The following SNX29 variants were observed in gnomAD, a reference collection of about 807,000 sequenced individuals.
SNX29 encodes the protein sorting nexin-29.
Under a neutral mutation model 102.1 loss-of-function variants are expected in SNX29, and 78 were observed. The observed-to-expected ratio is 0.76, with a 90% CI of 0.64 to 0.92. The LOEUF is 0.92. Ranked by LOEUF, SNX29 falls within the 40% of genes least tolerant of loss-of-function variation. The probability of loss-of-function intolerance (pLI) is 0.00; values close to 1 mark genes in which losing one functional copy is unlikely to be tolerated. For missense variants in SNX29, 1,280 were observed against 1,061.7 expected (o/e 1.21, Z -2.86); for synonymous variants, 580 against 414.5 (o/e 1.40, Z -4.85).
intron 20 of SNX29, among the ~76,000 whole-genome samples, chr16:12,542,652 G>A (rs143817986): frequency 2.0e-5 from 3 of 152,182 alleles, no homozygotes; most frequent in African/African-American, 7.2e-5. Context: ...ACTTAAACTT[G>A]TGTTTGAAGG....
At chr16:12,445,915 A>G (rs1415631757) in intron 18 of SNX29, among the ~76,000 whole-genome samples, 1 of 152,168 alleles carries the variant, frequency 6.6e-6, no homozygotes, top group Non-Finnish European at 1.5e-5. Context: ...CAAGGACACT[A>G]AGCTAGTAAA....
At chr16:12,536,901 G>C (rs531943695) in intron 20 of SNX29, among the ~76,000 whole-genome samples, 1 of 152,104 alleles carries the variant, frequency 6.6e-6, no homozygotes, top group Non-Finnish European at 1.5e-5. Context: ...GCTTGAGCCC[G>C]GGAGGTGGAG....
intron 14 of SNX29, among the ~76,000 whole-genome samples, chr16:12,259,612 C>T (rs2078674316): frequency 1.3e-5 from 2 of 152,162 alleles, no homozygotes; most frequent in Non-Finnish European, 2.9e-5. Flanking sequence ...GATTGTCTTC[C>T]TATTTTCTAG....
chr16:12,010,490 G>A (rs2056611264), intron 3 of SNX29, among the ~76,000 whole-genome samples: 1 of 152,126 alleles, frequency 6.6e-6, no homozygotes, highest in South Asian at 2.1e-4. Flanking sequence ...GCCAGGTGCG[G>A]TGGTGCAGGC....
intron 18 of SNX29, among the ~76,000 whole-genome samples, chr16:12,408,379 C>T (rs760492481): frequency 2.6e-4 from 40 of 152,260 alleles, no homozygotes; most frequent in Non-Finnish European, 3.1e-4. Context: ...AAGCCCTCCA[C>T]ATCCAAGAGC....
chr16:12,309,942 A>G (rs1393607108), intron 15 of SNX29, among the ~76,000 whole-genome samples: 1 of 152,206 alleles, frequency 6.6e-6, no homozygotes, highest in African/African-American at 2.4e-5. Flanking sequence ...TTGTCTTGAT[A>G]CTTCTTGAGC....
chr16:12,353,386 A>C (rs2082043841), intron 15 of SNX29, among the ~76,000 whole-genome samples: 1 of 152,314 alleles, frequency 6.6e-6, no homozygotes, highest in African/African-American at 2.4e-5. Flanking sequence ...CTGGGAACTT[A>C]TCCTGCCCCA....
intron 16 of SNX29, among the ~76,000 whole-genome samples, chr16:12,387,321 C>T (rs112544539): frequency 1.1e-4 from 17 of 152,130 alleles, no homozygotes; most frequent in South Asian, 6.2e-4. Flanking sequence ...CAGCTTGCTC[C>T]GGTGCCCCAT....
At position 12,355,843 on chromosome 16, in the gene SNX29, TAAAAAAAA is replaced by T. The variant is rs56358290; in HGVS notation, c.1783-294_1783-287del. Among the ~76,000 whole-genome samples, 38 of 85,568 alleles carry T rather than the reference TAAAAAAAA, an allele frequency of 4.4e-4. 2 individuals are homozygous for T. Among genetic ancestry groups the T allele is most frequent in the East Asian group, 9.7e-4 (2 of 2,054 alleles). 56.1% of individuals were successfully genotyped at this position (85,568 alleles called of 152,430 possible). On this transcript the variant is annotated intron_variant, in intron 15 of 20. Transcript: ENST00000566228. ...TGACCTTGACAGAGCGAGATCTTATTAAAAAAAAAAAAAAAAAAAAAAAAAAAAAAAAA... is the reference window on the plus strand; with the variant it reads ...TGACCTTGACAGAGCGAGATCTTATTAAAAAAAAAAAAAAAAAAAAAAAAA...
At chr16:12,307,420 A>G (rs2080372319) in intron 15 of SNX29, among the ~76,000 whole-genome samples, 1 of 152,220 alleles carries the variant, frequency 6.6e-6, no homozygotes, top group East Asian at 1.9e-4. Context: ...TGATGTCACT[A>G]ACATCATGAG....
intron 13 of SNX29, among the ~76,000 whole-genome samples, chr16:12,167,303 G>A (rs1275968209): frequency 2.0e-5 from 3 of 152,174 alleles, no homozygotes; most frequent in African/African-American, 4.8e-5. Context: ...CTCTGCCGCC[G>A]ATGCAGATGA....
intron 18 of SNX29, among the ~76,000 whole-genome samples, chr16:12,410,992 C>T (rs2084375759): frequency 6.6e-6 from 1 of 152,148 alleles, no homozygotes; most frequent in South Asian, 2.1e-4. Flanking sequence ...ATGCTTGCTT[C>T]CTGTGTAGCT....
intron 17 of SNX29, among the ~76,000 whole-genome samples, chr16:12,402,460 C>T (rs575784609): frequency 2.6e-4 from 40 of 152,308 alleles, no homozygotes; most frequent in African/African-American, 8.4e-4. Context: ...TAATTAGAGG[C>T]GAAGGCCGGG....
At chr16:12,160,849 A>G (rs887063585) in intron 13 of SNX29, among the ~76,000 whole-genome samples, 2 of 152,242 alleles carry the variant, frequency 1.3e-5, no homozygotes, top group East Asian at 1.9e-4. Context: ...TGATGGCATT[A>G]TAGCATCAAT....
At chr16:12,390,149 G>GGGGT (rs55953631) in intron 16 of SNX29, among the ~76,000 whole-genome samples, 79 of 145,678 alleles carry the variant, frequency 5.4e-4, no homozygotes, top group African/African-American at 1.8e-3. Flanking sequence ...GCAATTGAGG[G>GGGGT]GTGTGTGTGT....
chr16:11,995,635 C>A (rs780187406), intron 1 of SNX29, among the ~76,000 whole-genome samples: 161 of 131,998 alleles, frequency 1.2e-3, no homozygotes, highest in Non-Finnish European at 2.0e-3. Context: ...ATCAGTAGAG[C>A]AAAATACTCT....
At chr16:12,167,862 T>G (rs1055824402) in intron 13 of SNX29, among the ~76,000 whole-genome samples, 15 of 152,240 alleles carry the variant, frequency 9.9e-5, no homozygotes, top group African/African-American at 3.6e-4. Context: ...CCCATTTGTT[T>G]AGGAATGGTC....
chr16:12,012,054 T>G (rs1486132408), intron 3 of SNX29, among the ~76,000 whole-genome samples: 1 of 152,224 alleles, frequency 6.6e-6, no homozygotes, highest in Non-Finnish European at 1.5e-5. Context: ...AGGTATTTAT[T>G]TATAGAGTAC....
intron 16 of SNX29, chr16:12,375,281 T>C (rs1297412283): frequency 2.0e-5 from 3 of 152,222 alleles, no homozygotes; most frequent in African/African-American, 7.2e-5. Context: ...ACAGCAGAAA[T>C]AGCTAAATGA....
Sources: gnomAD v4.1 joint callset for allele counts (sites outside exome capture counted in the v4.1 genomes callset) on GRCh38, gnomAD v4.1.1 for gene constraint, MANE v1.5 for transcripts, NCBI Gene and HGNC (gene_info 2026-07-23, HGNC 2026-07-21) for gene names.